Variants in FBXO15 observed in about 807,000 individuals in gnomAD.
FBXO15 encodes the protein F-box only protein 15.
In FBXO15, 30 loss-of-function variants were observed where a neutral mutation model predicts 49.5. The observed-to-expected ratio is 0.61, with a 90% confidence interval of 0.45 to 0.82. FBXO15 has a LOEUF of 0.82. Ranked by LOEUF, FBXO15 falls within the 40% of genes least tolerant of loss-of-function variation. The pLI is 0.00. For synonymous variants in FBXO15, 250 were observed against 232.7 expected (o/e 1.07, Z -0.68); for missense variants, 591 against 631.5 (o/e 0.94, Z 0.69).
Position 74,074,622 on chromosome 18 carries a change from G to A in FBXO15, c.1264-892C>T, listed in dbSNP as rs1912179795. On this transcript the variant is annotated intron_variant, in intron 9 of 9. Transcript: ENST00000419743. This position sits in a 1 kb window ranked among gnomAD's most constrained non-coding sequence, Gnocchi z 4.7. The stretch of plus-strand genomic sequence containing the variant: ...CAACTGTACTTCAGATTTACCCAGT[G>A]TTTTCACCCTGCAAGCCATGACCTA... 6.6e-6 allele frequency among the ~76,000 whole-genome samples: 1 copy of A among 152,160 alleles called. No individual in the cohort carries two copies.
At chr18:74,126,870 C>T (rs755519961) in intron 5 of FBXO15, among the ~76,000 whole-genome samples, 13 of 152,250 alleles carry the variant, frequency 8.5e-5, no homozygotes, top group Non-Finnish European at 1.9e-4. Flanking sequence ...TGACCCTAGT[C>T]CCATGTTCAG....
At chr18:74,083,237 T>A (rs1912581226) in intron 8 of FBXO15, among the ~76,000 whole-genome samples, 1 of 152,206 alleles carries the variant, frequency 6.6e-6, no homozygotes, top group African/African-American at 2.4e-5. Flanking sequence ...GCAAGAGCTG[T>A]GTAGCTTCCC....
intron 8 of FBXO15, among the ~76,000 whole-genome samples, chr18:74,105,610 T>G (rs78126997): frequency 5.3e-4 from 31 of 58,664 alleles, no homozygotes; most frequent in East Asian, 4.6e-3. Context: ...CAGCTTATGG[T>G]TTTTTTTTTG....
intron 8 of FBXO15, among the ~76,000 whole-genome samples, chr18:74,086,656 C>T (rs1266853705): frequency 6.6e-6 from 1 of 152,198 alleles, no homozygotes; most frequent in East Asian, 1.9e-4. Context: ...ATGATCCGCC[C>T]ACCTCAGCCT....
At chr18:74,140,564 A>G (rs111746103) in intron 1 of FBXO15, among the ~76,000 whole-genome samples, 2,133 of 129,584 alleles carry the variant, frequency 0.016, 15 homozygotes, top group Admixed American at 0.041. Context: ...GGAGGAAGAG[A>G]CAGTGAGACC....
intron 8 of FBXO15, among the ~76,000 whole-genome samples, chr18:74,088,502 G>A (rs1203408026): frequency 6.6e-6 from 1 of 152,154 alleles, no homozygotes; most frequent in Non-Finnish European, 1.5e-5. Flanking sequence ...TTGAAGATCA[G>A]ATGGTTGTAG....
At chr18:74,107,605 A>C (rs1450932164) in intron 8 of FBXO15, among the ~76,000 whole-genome samples, 1 of 152,086 alleles carries the variant, frequency 6.6e-6, no homozygotes, top group East Asian at 1.9e-4. Context: ...AAAAAGGGAA[A>C]CCTGAGCTGT....
chr18:74,139,975 T>A (rs1978962226), intron 2 of FBXO15, among the ~76,000 whole-genome samples: 2 of 152,232 alleles, frequency 1.3e-5, no homozygotes, highest in South Asian at 2.1e-4. Context: ...AAAGGAAAAT[T>A]CAATTTACTT....
rs1003977384 is a variant in FBXO15, at chr18:74,075,607, C to T, written c.1264-1877G>A. ...ATTAATACCCATTCACTCATCAAAC[C>T]ACTCTGGCCTGGTATCCTTTTTCCA... On this transcript the variant is annotated intron_variant, in intron 9 of 9. Transcript: ENST00000419743. The surrounding 1 kb of genome is among the most constrained non-coding windows in gnomAD (Gnocchi z 4.1). Among the ~76,000 whole-genome samples the T allele has an allele frequency of 1.3e-5, 2 of 152,212 alleles. No individual in the cohort carries two copies. The highest frequency in any genetic ancestry group is 2.9e-5 in the Non-Finnish European group (2 of 68,040).
rs922282957 is a variant in FBXO15, at chr18:74,074,777, A to C, written c.1264-1047T>G. On this transcript the variant is annotated intron_variant, in intron 9 of 9. Transcript: ENST00000419743. This position sits in a 1 kb window ranked among gnomAD's most constrained non-coding sequence, Gnocchi z 4.7. ...TTCATGAACGCTGCTTTCATTGCAC[A>C]TGAATGTGTGGTCTGTATATGCCCA... Among the ~76,000 whole-genome samples the C allele has an allele frequency of 6.6e-6, 1 of 152,228 alleles. No homozygotes were observed. Among genetic ancestry groups the C allele is most frequent in the African/African-American group, 2.4e-5 (1 of 41,464 alleles).
At chr18:74,101,311 T>A (rs184598265) in intron 8 of FBXO15, among the ~76,000 whole-genome samples, 1 of 152,146 alleles carries the variant, frequency 6.6e-6, no homozygotes, top group Non-Finnish European at 1.5e-5. Flanking sequence ...AAAAATCACA[T>A]GATCATCTCA....
At position 74,091,336 on chromosome 18, in the gene FBXO15, T is replaced by A. The variant is rs186054281; in HGVS notation, c.1139-9285A>T. 1.2e-3 allele frequency among the ~76,000 whole-genome samples: 176 copies of A among 152,316 alleles called. 1 individual carries two copies. Among genetic ancestry groups the A allele is most frequent in the Middle Eastern group, 6.8e-3 (2 of 294 alleles). On this transcript the variant is annotated intron_variant, in intron 8 of 9. Coordinates refer to ENST00000419743, the MANE Select transcript of FBXO15 (RefSeq NM_001142958.2). ...AAGACAGCAAACCATTGGGTCTTGC[T>A]TCTCTAAATCCACTTGTCACTCTGT...
At chr18:74,143,172 T>C (rs1979191209) in intron 1 of FBXO15, among the ~76,000 whole-genome samples, 1 of 152,188 alleles carries the variant, frequency 6.6e-6, no homozygotes, top group East Asian at 1.9e-4. Flanking sequence ...TAAATATTAT[T>C]GTAGTTCATC....
chr18:74,127,129 G>A (rs959711209), intron 5 of FBXO15, among the ~76,000 whole-genome samples: 1 of 152,230 alleles, frequency 6.6e-6, no homozygotes, highest in Admixed American at 6.5e-5. Flanking sequence ...AGCCTGCTGA[G>A]TGGGGACAAG....
chr18:74,121,709 A>G (rs1050467906), intron 8 of FBXO15, among the ~76,000 whole-genome samples: 2 of 152,222 alleles, frequency 1.3e-5, no homozygotes, highest in Non-Finnish European at 2.9e-5. Flanking sequence ...AATGTCTATA[A>G]CTGACTATAA....
At chr18:74,141,345 G>C (rs376097594) in intron 1 of FBXO15, among the ~76,000 whole-genome samples, 14 of 152,308 alleles carry the variant, frequency 9.2e-5, no homozygotes, top group African/African-American at 3.4e-4. Flanking sequence ...AGGTTTGGAA[G>C]CTTCTGCTTT....
intron 8 of FBXO15, among the ~76,000 whole-genome samples, chr18:74,094,643 T>C (rs2145132773): frequency 6.6e-6 from 1 of 152,352 alleles, no homozygotes; most frequent in African/African-American, 2.4e-5. Flanking sequence ...TGCTGTCATC[T>C]CGGCTGTGTT....
chr18:74,101,808 C>T (rs1213197490), intron 8 of FBXO15, among the ~76,000 whole-genome samples: 2 of 151,858 alleles, frequency 1.3e-5, no homozygotes, highest in Non-Finnish European at 2.9e-5. Flanking sequence ...CAGAAACAAA[C>T]CCAAATACTT....
intron 1 of FBXO15, among the ~76,000 whole-genome samples, chr18:74,145,078 A>AT (rs1268047154): frequency 6.6e-6 from 1 of 152,182 alleles, no homozygotes; most frequent in Admixed American, 6.5e-5. Flanking sequence ...GGTACTAGTT[A>AT]TTTTTTTTAA....
Sources: allele counts gnomAD v4.1 joint callset (sites outside exome capture counted in the v4.1 genomes callset), GRCh38; gene constraint gnomAD v4.1.1; non-coding constraint Gnocchi (gnomAD v3.1); transcripts MANE v1.5; gene names NCBI Gene and HGNC (gene_info 2026-07-23, HGNC 2026-07-21).